The following TMEM50A variants were observed in gnomAD, a reference collection of about 807,000 sequenced individuals.
TMEM50A encodes transmembrane protein 50A, also known as cervical cancer oncogene 9.
In TMEM50A, 8 loss-of-function variants were observed where a neutral mutation model predicts 23.9. The ratio of observed to expected loss-of-function variants is 0.33; its 90% CI spans 0.20 to 0.60. The LOEUF (loss-of-function observed/expected upper bound fraction) is 0.60. Ranked by LOEUF, TMEM50A falls within the 20% of genes least tolerant of loss-of-function variation. The pLI is 0.81. For missense variants in TMEM50A, 178 were observed against 192.7 expected, an observed-to-expected ratio of 0.92 and a Z score of 0.45; for synonymous variants, 55 against 60.4, an observed-to-expected ratio of 0.91 and a Z score of 0.41.
intron 3 of TMEM50A, among the ~76,000 whole-genome samples, chr1:25,348,886 A>G (rs1645248631): frequency 6.6e-6 from 1 of 152,118 alleles, no homozygotes; most frequent in Non-Finnish European, 1.5e-5. Context: ...TCCAAAAACT[A>G]TTAGGTGAGG....
intron 3 of TMEM50A, among the ~76,000 whole-genome samples, chr1:25,348,830 T>G (rs533759887): frequency 2.0e-5 from 3 of 152,342 alleles, no homozygotes; most frequent in Admixed American, 1.3e-4. Flanking sequence ...TTAAAAGTAA[T>G]ATTTAACTCT....
At chr1:25,348,197 G>A (rs187599673) in intron 3 of TMEM50A, among the ~76,000 whole-genome samples, 61 of 152,168 alleles carry the variant, frequency 4.0e-4, no homozygotes, top group African/African-American at 1.4e-3. Context: ...TTATTATAGT[G>A]TCAGATAGTG....
chr1:25,356,093 T>A (rs1005140724), intron 5 of TMEM50A, among the ~76,000 whole-genome samples: 1 of 152,240 alleles, frequency 6.6e-6, no homozygotes, highest in Non-Finnish European at 1.5e-5. Context: ...AACTGGTTTC[T>A]GTTTCCTCTC....
intron 3 of TMEM50A, among the ~76,000 whole-genome samples, chr1:25,350,474 T>A (rs1165092439): frequency 6.6e-6 from 1 of 152,140 alleles, no homozygotes; most frequent in Non-Finnish European, 1.5e-5. Flanking sequence ...CACCACAACC[T>A]GTTTCCCGGG....
chr1:25,341,867 GT>G (rs113850443), intron 2 of TMEM50A, among the ~76,000 whole-genome samples: 12,242 of 113,282 alleles, frequency 0.11, 1,555 homozygotes, highest in African/African-American at 0.31. Context: ...GCTAATTTTT[GT>G]TTTTTTTTTT....
At chr1:25,349,162 C>T (rs1645252984) in intron 3 of TMEM50A, among the ~76,000 whole-genome samples, 1 of 152,224 alleles carries the variant, frequency 6.6e-6, no homozygotes, top group Non-Finnish European at 1.5e-5. Flanking sequence ...AGAACAGCTA[C>T]ACCCCAACAC....
rs1387815141 is a variant in TMEM50A, at chr1:25,361,661, C to G, written c.*956C>G. On this transcript the variant is annotated 3_prime_UTR_variant, in exon 7 of 7. Transcript: ENST00000374358. Reference sequence around the variant, plus strand: ...CCTCTGCAAGATGGGATACACTCTTCAGGACCACAGTTTGAAATGTCTTTC... The same window carrying G: ...CCTCTGCAAGATGGGATACACTCTTGAGGACCACAGTTTGAAATGTCTTTC... 1 of 152,414 alleles carries G rather than the reference C, an allele frequency of 6.6e-6. No homozygotes were observed. The highest frequency in any genetic ancestry group is 2.4e-5 in the African/African-American group (1 of 41,440). 9.4% of individuals were successfully genotyped at this position (152,414 alleles called of 1,614,324 possible).
Position 25,342,950 on chromosome 1 carries a change from CTTTG to C in TMEM50A, c.94-7_94-4del, listed in dbSNP as rs1393791491. The C allele has an allele frequency of 2.5e-6, 4 of 1,607,156 alleles. No individual in the cohort carries two copies. The highest frequency in any genetic ancestry group is 3.4e-6 in the Non-Finnish European group (4 of 1,176,494). On this transcript the variant is annotated splice_polypyrimidine_tract_variant and splice_region_variant and intron_variant, in intron 2 of 6. Coordinates refer to ENST00000374358, the MANE Select transcript of TMEM50A (RefSeq NM_014313.4). ...TGCTATGATTTCTCATTGGTATCAC[CTTTG>C]TTTTAGTTTTTTACAGGCTGGTGGA...
intron 4 of TMEM50A, 151 bp downstream of exon 4, chr1:25,351,844 A>G: frequency 1.5e-6 from 1 of 670,816 alleles, no homozygotes; most frequent in Non-Finnish European, 2.4e-6. Flanking sequence ...TGGGCTTGAA[A>G]TTGGGAATTA....
chr1:25,340,718 TG>T (rs1265874316), intron 2 of TMEM50A, 139 bp downstream of exon 2: 3 of 640,028 alleles, frequency 4.7e-6, no homozygotes, highest in Non-Finnish European at 7.7e-6. Flanking sequence ...TTGTTGTTTG[TG>T]GAGAGTTATT....
chr1:25,355,390 A>C (rs1645323751), intron 5 of TMEM50A, among the ~76,000 whole-genome samples: 1 of 152,216 alleles, frequency 6.6e-6, no homozygotes, highest in South Asian at 2.1e-4. Context: ...AAAACTAAGA[A>C]TATAAAAGAA....
intron 1 of TMEM50A, among the ~76,000 whole-genome samples, 189 bp from the exon 2 acceptor site, chr1:25,340,285 A>G (rs942961993): frequency 2.6e-5 from 4 of 152,360 alleles, no homozygotes; most frequent in Admixed American, 2.0e-4. Flanking sequence ...TCCAGATATT[A>G]CTTTCCAAAG....
At chr1:25,350,315 A>AT (rs1201808394) in intron 3 of TMEM50A, among the ~76,000 whole-genome samples, 1 of 152,242 alleles carries the variant, frequency 6.6e-6, no homozygotes, top group African/African-American at 2.4e-5. Context: ...TACAAATGGA[A>AT]TATCAGATAG....
At chr1:25,354,701 TG>T (rs1206482387) in intron 5 of TMEM50A, among the ~76,000 whole-genome samples, 1 of 152,214 alleles carries the variant, frequency 6.6e-6, no homozygotes, top group African/African-American at 2.4e-5. Flanking sequence ...TTTTTTCTTA[TG>T]TTTTTAGTTA....
chr1:25,358,414 T>C (rs1469159022), intron 6 of TMEM50A, among the ~76,000 whole-genome samples: 1 of 152,232 alleles, frequency 6.6e-6, no homozygotes, highest in East Asian at 1.9e-4. Context: ...AGGAATCTGA[T>C]GTATATTACA....
chr1:25,351,545 A>T, intron 3 of TMEM50A, 81 bp from the exon 4 acceptor site: 1 of 1,260,512 alleles, frequency 7.9e-7, no homozygotes, highest in Non-Finnish European at 1.1e-6. Flanking sequence ...GCCTAACCTT[A>T]CATTTGAGAA....
intron 3 of TMEM50A, 146 bp downstream of exon 3, chr1:25,343,219 T>C (rs1645182659): frequency 1.3e-5 from 8 of 599,480 alleles, no homozygotes; most frequent in Non-Finnish European, 2.3e-5. Flanking sequence ...GAGATGGACT[T>C]ATACAGAAAA....
chr1:25,348,847 C>G (rs553447249), intron 3 of TMEM50A, among the ~76,000 whole-genome samples: 2 of 152,332 alleles, frequency 1.3e-5, no homozygotes, highest in African/African-American at 4.8e-5. Flanking sequence ...CTCTTCTCCA[C>G]TTCCTTTCCT....
chr1:25,355,092 A>G, intron 5 of TMEM50A, among the ~76,000 whole-genome samples: 1 of 152,096 alleles, frequency 6.6e-6, no homozygotes, highest in East Asian at 1.9e-4. Flanking sequence ...TTTAAAATGT[A>G]TATATTTTGA....
Sources: gnomAD v4.1 joint callset for allele counts (sites outside exome capture counted in the v4.1 genomes callset) on GRCh38, gnomAD v4.1.1 for gene constraint, MANE v1.5 for transcripts, NCBI Gene and HGNC (gene_info 2026-07-23, HGNC 2026-07-21) for gene names.